EFCAB8: variants seen among roughly 807,000 people sequenced by gnomAD.
EFCAB8 encodes EF-hand calcium-binding domain-containing protein 8.
A neutral mutation model predicts 116.3 loss-of-function variants in EFCAB8; 100 were observed. That is an observed-to-expected ratio of 0.86 (90% CI 0.73 to 1.02). EFCAB8 has a LOEUF of 1.02. Ranked by LOEUF, EFCAB8 falls within the 50% of genes least tolerant of loss-of-function variation. EFCAB8 has a pLI of 0.00. For missense variants in EFCAB8, 1,320 were observed against 1,416.9 expected (o/e 0.93, Z 1.10); for synonymous variants, 558 against 567.9 (o/e 0.98, Z 0.25).
At position 32,892,073 on chromosome 20, in the gene EFCAB8, C is replaced by T. The variant is rs76872984; in HGVS notation, c.674-140C>T. 1,272 of 714,606 alleles carry T rather than the reference C, an allele frequency of 1.8e-3. 11 individuals are homozygous for T. The African/African-American group carries it at 0.02, about 11-fold the overall frequency. 44.3% of individuals were successfully genotyped at this position (714,606 alleles called of 1,614,324 possible). ...CCGGTGGGTGGGTTTACTCTGTGAA[C>T]AGCTGTCTGTGGTTGCCATGGGGGA... is the stretch of plus-strand genomic sequence containing the variant. On this transcript the variant is annotated intron_variant, in intron 7 of 26. Coordinates refer to ENST00000400522, the MANE Select transcript of EFCAB8 (RefSeq NM_001143967.2).
chr20:32,867,940 G>A (rs1404137894), intron 3 of EFCAB8, among the ~76,000 whole-genome samples, 193 bp downstream of exon 3: 3 of 151,942 alleles, frequency 2.0e-5, no homozygotes, highest in East Asian at 1.9e-4. Flanking sequence ...ATGCTCAAGC[G>A]ATCCTCCTGT....
intron 5 of EFCAB8, among the ~76,000 whole-genome samples, chr20:32,881,233 G>A (rs1985321653): frequency 6.6e-6 from 1 of 152,116 alleles, no homozygotes; most frequent in Admixed American, 6.5e-5. Context: ...TTTTGCTCTT[G>A]TTGCCCAGGA....
intron 11 of EFCAB8, among the ~76,000 whole-genome samples, chr20:32,905,359 G>A (rs374705413): frequency 3.3e-5 from 5 of 152,344 alleles, no homozygotes; most frequent in African/African-American, 9.6e-5. Context: ...GTAGTTTCAT[G>A]TGAAGTTTGA....
At chr20:32,877,207 C>CTTTTTTTTTTTTTTTTTTTT (rs757130907) in intron 4 of EFCAB8, among the ~76,000 whole-genome samples, 3 of 115,054 alleles carry the variant, frequency 2.6e-5, no homozygotes, top group African/African-American at 5.9e-5. Flanking sequence ...TTATTTCTTT[C>CTTTTTTTTTTTTTTTTTTTT]TTTTTTTTTT....
chr20:32,961,504 G>A lies in EFCAB8; in HGVS notation c.3762G>A (p.Gly1254=). 1.4e-6 allele frequency: 2 copies of A among 1,440,452 alleles called. No individual in the cohort carries two copies. Among genetic ancestry groups the A allele is most frequent in the Non-Finnish European group, 1.8e-6 (2 of 1,093,304 alleles). 89.2% of individuals were successfully genotyped at this position (1,440,452 alleles called of 1,614,324 possible). A position where few individuals can be genotyped will look rare whatever the true frequency, so the allele number is the denominator to read the frequency against. ...CGGTGTCCAAGTCCACCCTGCAGGG[G>A]TCAGTGACCCCCAAGCACATTGTCT... ...PSPVSKSTLQ[G]SVTPKHIVSS... is the part of the protein sequence containing the mutation. The change falls in exon 27 of 27, where the codon GGG becomes GGA. Residue 1254 remains glycine (G), a synonymous_variant. Coordinates refer to ENST00000400522, the MANE Select transcript of EFCAB8 (RefSeq NM_001143967.2).
intron 5 of EFCAB8, 21 bp from the exon 6 acceptor site, chr20:32,885,484 C>G: frequency 6.4e-7 from 1 of 1,551,476 alleles, no homozygotes. Flanking sequence ...GGGCTCTTCT[C>G]TCTTTCATCG....
chr20:32,899,503 C>T (rs1043173004), intron 11 of EFCAB8, among the ~76,000 whole-genome samples: 1 of 152,098 alleles, frequency 6.6e-6, no homozygotes, highest in African/African-American at 2.4e-5. Flanking sequence ...AGGTTGGAGT[C>T]CTGAGGGGCC....
intron 5 of EFCAB8, among the ~76,000 whole-genome samples, chr20:32,885,223 C>T (rs1985552704): frequency 1.3e-5 from 2 of 152,346 alleles, no homozygotes; most frequent in Middle Eastern, 3.4e-3. Context: ...AGGAGGCTGG[C>T]TGGCTACTTC....
intron 13 of EFCAB8, 133 bp from the exon 14 acceptor site, chr20:32,908,142 T>G: frequency 6.4e-6 from 5 of 781,576 alleles, no homozygotes; most frequent in South Asian, 6.9e-5. Flanking sequence ...GCCAACACCA[T>G]GTGTGTGTGT....
At chr20:32,909,752 C>T in intron 14 of EFCAB8, 69 bp from the exon 15 acceptor site, 1 of 802,758 alleles carries the variant, frequency 1.2e-6, no homozygotes, top group Non-Finnish European at 1.7e-6. Flanking sequence ...GAAGTTTTTC[C>T]CGGCAGCCCA....
chr20:32,937,576 A>T (rs1988169315), intron 22 of EFCAB8, among the ~76,000 whole-genome samples: 1 of 152,202 alleles, frequency 6.6e-6, no homozygotes, highest in Non-Finnish European at 1.5e-5. Context: ...AGAAGTACAC[A>T]TTCAGATGGT....
Position 32,909,880 on chromosome 20 carries a change from C to T in EFCAB8, c.1506C>T (p.Thr502=). The change falls in exon 15 of 27, where the codon ACC becomes ACT. Residue 502 remains threonine (T), a synonymous_variant. Transcript: ENST00000400522. ...AQGLIKARKR[T]THCSPLCAVL... ...GGCTTATCAAAGCAAGGAAGAGGAC[C>T]ACTCATTGCTCACCCCTGTGTGCTG... is the stretch of plus-strand genomic sequence containing the variant. 1 of 1,249,868 alleles carries T rather than the reference C, an allele frequency of 8.0e-7. No individual in the cohort carries two copies. The allele number at this position is 1,249,868 out of a possible 1,614,324, so 77.4% of individuals were successfully genotyped here. A position where few individuals can be genotyped will look rare whatever the true frequency, so the allele number is the denominator to read the frequency against.
chr20:32,859,066 CCT>C (rs1983966910), intron 1 of EFCAB8, 60 bp downstream of exon 1: 5 of 470,716 alleles, frequency 1.1e-5, no homozygotes, highest in South Asian at 6.2e-5. Context: ...CTGCTGAAGA[CCT>C]CTGCCTGACC....
intron 20 of EFCAB8, among the ~76,000 whole-genome samples, chr20:32,920,573 G>A (rs1987404524): frequency 6.6e-6 from 1 of 152,190 alleles, no homozygotes; most frequent in African/African-American, 2.4e-5. Context: ...ATGAGAAGCA[G>A]CAAAAGCGGA....
intron 17 of EFCAB8, among the ~76,000 whole-genome samples, chr20:32,914,829 A>G (rs1244002803): frequency 1.3e-5 from 2 of 152,232 alleles, no homozygotes; most frequent in Admixed American, 6.5e-5. Context: ...AACCATATCA[A>G]TGTTCTTTCC....
At chr20:32,870,302 C>T (rs562718171) in intron 3 of EFCAB8, among the ~76,000 whole-genome samples, 2 of 152,142 alleles carry the variant, frequency 1.3e-5, no homozygotes, top group South Asian at 2.1e-4. Flanking sequence ...CCTTGGCCAT[C>T]GTTTTTATTG....
Position 32,888,148 on chromosome 20 carries a change from C to T in EFCAB8, c.568-1153C>T, listed in dbSNP as rs150363337. Reference sequence around the variant, plus strand: ...GTGCAATCACGGCTCACTGCAGCCTCAACCTCCTGGGGTCAAGGGATCTTT... The same window carrying T: ...GTGCAATCACGGCTCACTGCAGCCTTAACCTCCTGGGGTCAAGGGATCTTT... On this transcript the variant is annotated intron_variant, in intron 6 of 26. Coordinates refer to ENST00000400522, the MANE Select transcript of EFCAB8 (RefSeq NM_001143967.2). Among the ~76,000 whole-genome samples, 615 of 152,112 alleles carry T rather than the reference C, an allele frequency of 4.0e-3. 5 individuals carry two copies. Among genetic ancestry groups the T allele is most frequent in the African/African-American group, 0.014 (596 of 41,492 alleles).
intron 22 of EFCAB8, among the ~76,000 whole-genome samples, chr20:32,938,197 T>C (rs1443442135): frequency 6.7e-6 from 1 of 149,728 alleles, no homozygotes; most frequent in Non-Finnish European, 1.5e-5. Context: ...ATTAACTGAA[T>C]AAAAAACAAA....
chr20:32,943,758 C>A lies in EFCAB8; in HGVS notation c.2913C>A (p.Gly971=). 2.4e-6 allele frequency: 1 copy of A among 416,888 alleles called. No homozygotes were observed. The highest frequency in any genetic ancestry group is 4.4e-6 in the Non-Finnish European group (1 of 226,416). 25.8% of individuals were successfully genotyped at this position (416,888 alleles called of 1,614,324 possible). A position where few individuals can be genotyped will look rare whatever the true frequency, so the allele number is the denominator to read the frequency against. Residue 971 remains glycine (G), a synonymous_variant, in exon 23 of 27, where the codon GGC becomes GGA. Coordinates refer to ENST00000400522, the MANE Select transcript of EFCAB8 (RefSeq NM_001143967.2). ...ACTTCCAGCTGGTTATCAGCGCTGG[C>A]CAGGACCGGGACGTCAAGGCTTGGA... ...VDNFQLVISA[G]QDRDVKAWKL...
Sources: gnomAD v4.1 joint callset for allele counts (sites outside exome capture counted in the v4.1 genomes callset) on GRCh38, gnomAD v4.1.1 for gene constraint, MANE v1.5 for transcripts, NCBI Gene and HGNC (gene_info 2026-07-23, HGNC 2026-07-21) for gene names.